Variants in CELSR1 observed in about 807,000 individuals in gnomAD.
CELSR1 encodes cadherin EGF LAG seven-pass G-type receptor 1, also known as adhesion G protein-coupled receptor C1.
Under a neutral mutation model 249.1 loss-of-function variants are expected in CELSR1, and 110 were observed. The ratio of observed to expected loss-of-function variants is 0.44; its 90% CI spans 0.38 to 0.52. The LOEUF (loss-of-function observed/expected upper bound fraction) is 0.52, where lower values mean the gene tolerates loss of function less well. CELSR1 is among the 20% of genes least tolerant of loss of function. The pLI is 0.00. For synonymous variants in CELSR1, 2,113 were observed against 1,900.0 expected, an observed-to-expected ratio of 1.11 and a Z score of -2.92; for missense variants, 4,109 against 4,296.4, an observed-to-expected ratio of 0.96 and a Z score of 1.22.
rs1157447896 is a variant in CELSR1 at position 46,480,786 on chromosome 22, A to C, written c.3545-16441T>G. ...TGGCCACAGGAAATATAAGCTCTAA[A>C]ACTCTCCTGTAATATCTCTGACCCA... On this transcript the variant is annotated intron_variant, in intron 1 of 34. Transcript: ENST00000674500. Among the ~76,000 whole-genome samples, 4 of 152,168 alleles carry C rather than the reference A, an allele frequency of 2.6e-5. No individual in the cohort carries two copies. In the East Asian group the frequency reaches 7.7e-4, roughly 29 times the overall value.
At chr22:46,383,614 T>C (rs989723893) in intron 20 of CELSR1, among the ~76,000 whole-genome samples, 7 of 152,114 alleles carry the variant, frequency 4.6e-5, no homozygotes, top group African/African-American at 1.7e-4. Flanking sequence ...GCAGCCTCCA[T>C]CTCCCGGACT....
intron 1 of CELSR1, among the ~76,000 whole-genome samples, chr22:46,466,885 G>A (rs2080102279): frequency 6.6e-6 from 1 of 152,194 alleles, no homozygotes; most frequent in Non-Finnish European, 1.5e-5. Flanking sequence ...CAGGGGATTT[G>A]CATCCTCACA....
In CELSR1 at chr22:46,380,648, GC is replaced by G; in HGVS notation, c.7256+139del. 2.2e-6 allele frequency: 2 copies of G among 922,902 alleles called. No individual in the cohort carries two copies. The highest frequency in any genetic ancestry group is 3.3e-6 in the Non-Finnish European group (2 of 614,558). The allele number at this position is 922,902 out of a possible 1,614,324, so 57.2% of individuals were successfully genotyped here. A position where few individuals can be genotyped will look rare whatever the true frequency, so the allele number is the denominator to read the frequency against. The stretch of plus-strand genomic sequence containing the variant: ...ACAGAAGCAGAGCAGGAGGCTCACT[GC>G]CCCCACGGGGGACTTAAAGGGGAAA... On this transcript the variant is annotated intron_variant, in intron 22 of 34. Transcript: ENST00000674500. The surrounding 1 kb of genome is among the most constrained non-coding windows in gnomAD (Gnocchi z 5.1).
chr22:46,510,568 G>A (rs2080563094), intron 1 of CELSR1, among the ~76,000 whole-genome samples: 1 of 152,208 alleles, frequency 6.6e-6, no homozygotes, highest in Non-Finnish European at 1.5e-5. Flanking sequence ...ACGCTGGGGG[G>A]ACGAGAGCCG....
intron 2 of CELSR1, among the ~76,000 whole-genome samples, chr22:46,450,437 C>A (rs2079870459): frequency 6.6e-6 from 1 of 152,266 alleles, no homozygotes; most frequent in African/African-American, 2.4e-5. Flanking sequence ...AACATGAGCA[C>A]TTTCACAGCA....
chr22:46,495,730 G>A (rs969476749), intron 1 of CELSR1, among the ~76,000 whole-genome samples: 10 of 152,170 alleles, frequency 6.6e-5, no homozygotes, highest in Non-Finnish European at 1.3e-4. Context: ...CAGGAGAATC[G>A]CTTGAACCTG....
chr22:46,377,134 T>C lies in CELSR1; in HGVS notation c.7511A>G (p.His2504Arg), dbSNP rs765912553. The change falls in exon 24 of 35, where the codon CAC (histidine) becomes CGC (arginine). Residue 2504 changes from histidine (H) to arginine (R), a missense_variant. His to Arg is a conservative substitution (Grantham distance 29). Coordinates refer to ENST00000674500, the MANE Select transcript of CELSR1 (RefSeq NM_001378328.1). ...GAAGAGCGCCACGGCGAGGTGCTTG[T>C]GAATGCTGTGCAGGTTGGAGCGCAG... ...RMLRSNLHSIHKHLAVALFLS... is the reference protein window; with the variant it reads ...RMLRSNLHSIRKHLAVALFLS... 2 of 1,613,566 alleles carry C rather than the reference T, an allele frequency of 1.2e-6. No individual in the cohort carries two copies. Among genetic ancestry groups the C allele is most frequent in the South Asian group, 2.2e-5 (2 of 91,062 alleles).
At chr22:46,491,931 C>T (rs1265945302) in intron 1 of CELSR1, among the ~76,000 whole-genome samples, 6 of 152,170 alleles carry the variant, frequency 3.9e-5, no homozygotes, top group African/African-American at 1.2e-4. Flanking sequence ...GCCACGATGT[C>T]GCGCCTCTCT....
intron 5 of CELSR1, among the ~76,000 whole-genome samples, chr22:46,422,468 T>C (rs2079485774): frequency 6.7e-6 from 1 of 148,440 alleles, no homozygotes; most frequent in African/African-American, 2.5e-5. Flanking sequence ...GCGCAGTGGC[T>C]CACACCTGTA....
At chr22:46,426,772 G>A (rs948528529) in intron 5 of CELSR1, among the ~76,000 whole-genome samples, 2 of 152,200 alleles carry the variant, frequency 1.3e-5, no homozygotes, top group African/African-American at 4.8e-5. Context: ...AAGGGCCCAT[G>A]GGAGTGGGTC....
At chr22:46,491,302 CG>C (rs1445963947) in intron 1 of CELSR1, among the ~76,000 whole-genome samples, 4 of 141,142 alleles carry the variant, frequency 2.8e-5, no homozygotes, top group Non-Finnish European at 6.0e-5. Context: ...CTAGCTCTGT[CG>C]CCCAGGCTGG....
rs116859972 is a variant in CELSR1, at chr22:46,473,327, G to A, written c.3545-8982C>T. Among the ~76,000 whole-genome samples the A allele has an allele frequency of 0.018, 2,673 of 152,272 alleles. 33 individuals carry two copies. The highest frequency in any genetic ancestry group is 0.027 in the Non-Finnish European group (1,811 of 68,016). Reference sequence around the variant, plus strand: ...CCAGTGATGGTGGATGGGAGGGACAGAGGAGATGGTCCAAGAGGACCCTAG... The same window carrying A: ...CCAGTGATGGTGGATGGGAGGGACAAAGGAGATGGTCCAAGAGGACCCTAG... On this transcript the variant is annotated intron_variant, in intron 1 of 34. Coordinates refer to ENST00000674500, the MANE Select transcript of CELSR1 (RefSeq NM_001378328.1). The surrounding 1 kb of genome is among the most constrained non-coding windows in gnomAD (Gnocchi z 6.6).
rs2080754502 is a variant in CELSR1, at chr22:46,527,932, C to T, written c.3544+5695G>A. Among the ~76,000 whole-genome samples, 1 of 151,898 alleles carries T rather than the reference C, an allele frequency of 6.6e-6. No individual in the cohort carries two copies. The highest frequency in any genetic ancestry group is 2.4e-5 in the African/African-American group (1 of 41,356). On this transcript the variant is annotated intron_variant, in intron 1 of 34. Transcript: ENST00000674500. The surrounding 1 kb of genome is among the most constrained non-coding windows in gnomAD (Gnocchi z 5.5). ...CCAGCATGGTGAAACCCCATCTCTA[C>T]AAAAATACAAAAATTAGCCAGGCAT...
intron 14 of CELSR1, 136 bp downstream of exon 14, chr22:46,394,006 T>A: frequency 8.7e-7 from 1 of 1,147,578 alleles, no homozygotes; most frequent in Non-Finnish European, 1.2e-6. Flanking sequence ...AAATGTGATG[T>A]GAGTGGGCAC....
chr22:46,516,321 G>A (rs535258842), intron 1 of CELSR1, among the ~76,000 whole-genome samples: 2 of 152,218 alleles, frequency 1.3e-5, no homozygotes, highest in African/African-American at 2.4e-5. Context: ...CATGGATGAA[G>A]CTGGAAACCA....
At position 46,410,351 on chromosome 22, in the gene CELSR1, G is replaced by A; in HGVS notation, c.4933+47C>T. On this transcript the variant is annotated intron_variant, in intron 7 of 34. Coordinates refer to ENST00000674500, the MANE Select transcript of CELSR1 (RefSeq NM_001378328.1). The surrounding 1 kb of genome is among the most constrained non-coding windows in gnomAD (Gnocchi z 6.8). ...ACCTCTGTGTGGCTGCCGACGTCCA[G>A]CCAGATGCCACTGCGGCAGCTCCGA... is the stretch of plus-strand genomic sequence containing the variant. 1 of 1,595,702 alleles carries A rather than the reference G, an allele frequency of 6.3e-7. No homozygotes were observed. The highest frequency in any genetic ancestry group is 1.7e-5 in the Admixed American group (1 of 59,688).
chr22:46,381,822 G>C lies in CELSR1; in HGVS notation c.7088+24C>G. 1 of 1,536,796 alleles carries C rather than the reference G, an allele frequency of 6.5e-7. No individual in the cohort carries two copies. Among genetic ancestry groups the C allele is most frequent in the Non-Finnish European group, 8.7e-7 (1 of 1,144,512 alleles). ...GGAGCCTCCAGAACGGGCCCTCCCC[G>C]TGTGCCCCGTGCCCAGGCCTTACCG... On this transcript the variant is annotated intron_variant, in intron 21 of 34. Coordinates refer to ENST00000674500, the MANE Select transcript of CELSR1 (RefSeq NM_001378328.1). This position sits in a 1 kb window ranked among gnomAD's most constrained non-coding sequence, Gnocchi z 6.0.
At position 46,439,484 on chromosome 22, in the gene CELSR1, G is replaced by A. The variant is rs2079715548; in HGVS notation, c.4184-73C>T. On this transcript the variant is annotated intron_variant, in intron 2 of 34. Coordinates refer to ENST00000674500, the MANE Select transcript of CELSR1 (RefSeq NM_001378328.1). ...GGGAAAAGCCAACGAGCCTGTCGCA[G>A]ACCCTGGACACACCCCAGCCACACA... 3 of 1,268,092 alleles carry A rather than the reference G, an allele frequency of 2.4e-6. No individual in the cohort carries two copies. The East Asian group carries it at 7.6e-5, about 32-fold the overall frequency. 78.6% of individuals were successfully genotyped at this position (1,268,092 alleles called of 1,614,324 possible). A position where few individuals can be genotyped will look rare whatever the true frequency, so the allele number is the denominator to read the frequency against.
At chr22:46,531,678 C>A (rs1404944898) in intron 1 of CELSR1, among the ~76,000 whole-genome samples, 2 of 152,202 alleles carry the variant, frequency 1.3e-5, no homozygotes, top group Non-Finnish European at 2.9e-5. Flanking sequence ...GAGAAGGCCA[C>A]TCAACACCCC....
Sources: allele counts gnomAD v4.1 joint callset (sites outside exome capture counted in the v4.1 genomes callset), GRCh38; gene constraint gnomAD v4.1.1; non-coding constraint Gnocchi (gnomAD v3.1); transcripts MANE v1.5; gene names NCBI Gene and HGNC (gene_info 2026-07-23, HGNC 2026-07-21).